The following CDYL variants were observed in gnomAD, a reference collection of about 807,000 sequenced individuals.
CDYL encodes chromodomain Y like.
A neutral mutation model predicts 47.3 loss-of-function variants in CDYL; 8 were observed. The observed-to-expected ratio is 0.17, with a 90% confidence interval of 0.10 to 0.31. The LOEUF (loss-of-function observed/expected upper bound fraction) is 0.31. CDYL is among the 10% of genes least tolerant of loss of function. The pLI is 1.00. For synonymous variants in CDYL, 266 were observed against 265.0 expected (o/e 1.00, Z -0.04); for missense variants, 471 against 701.4 (o/e 0.67, Z 3.71).
At chr6:4,718,886 G>C (rs1165097812) in intron 2 of CDYL, among the ~76,000 whole-genome samples, 1 of 151,078 alleles carries the variant, frequency 6.6e-6, no homozygotes, top group Non-Finnish European at 1.5e-5. Context: ...AGGTTATATT[G>C]ATAGACATTC....
intron 1 of CDYL, among the ~76,000 whole-genome samples, chr6:4,787,376 T>C (rs1467356684): frequency 6.6e-6 from 1 of 152,144 alleles, no homozygotes; most frequent in Non-Finnish European, 1.5e-5. Context: ...TGGTTTCTGC[T>C]CGTAAATGAG....
intron 1 of CDYL, among the ~76,000 whole-genome samples, chr6:4,793,680 C>A (rs2127435803): frequency 6.6e-6 from 1 of 152,228 alleles, no homozygotes; most frequent in South Asian, 2.1e-4. Flanking sequence ...GCAGGATAAT[C>A]CAGGCAAAGG....
intron 2 of CDYL, among the ~76,000 whole-genome samples, chr6:4,717,841 T>G (rs971774819): frequency 1.7e-5 from 2 of 115,976 alleles, no homozygotes; most frequent in African/African-American, 8.0e-5. Flanking sequence ...CCTGTTAGAT[T>G]TTTTTTTTTC....
intron 1 of CDYL, among the ~76,000 whole-genome samples, chr6:4,808,738 T>C (rs1258405167): frequency 6.6e-6 from 1 of 152,256 alleles, no homozygotes; most frequent in Non-Finnish European, 1.5e-5. Context: ...TCCAAGAATA[T>C]AGATTTTGTG....
At chr6:4,787,773 T>TG (rs1246830069) in intron 1 of CDYL, among the ~76,000 whole-genome samples, 1 of 140,012 alleles carries the variant, frequency 7.1e-6, no homozygotes, top group Admixed American at 7.2e-5. Context: ...GTCTTTTTTT[T>TG]TTTTTTTTTT....
At chr6:4,911,101 C>T (rs1280378080) in intron 2 of CDYL, among the ~76,000 whole-genome samples, 1 of 152,216 alleles carries the variant, frequency 6.6e-6, no homozygotes, top group Non-Finnish European at 1.5e-5. Flanking sequence ...GCTGGGATTA[C>T]AGGCGTGAGC....
chr6:4,714,155 C>G (rs1757209203), intron 1 of CDYL: 1 of 151,880 alleles, frequency 6.6e-6, no homozygotes, highest in South Asian at 2.1e-4. Context: ...CAGGATCAAA[C>G]CCACGTGTGT....
intron 3 of CDYL, among the ~76,000 whole-genome samples, chr6:4,738,751 G>C (rs1172899364): frequency 1.3e-5 from 2 of 152,244 alleles, no homozygotes; most frequent in African/African-American, 2.4e-5. Context: ...GTAGAGATTA[G>C]TTGGAACTAG....
chr6:4,751,975 G>A (rs777716778), intron 3 of CDYL, among the ~76,000 whole-genome samples: 11 of 150,968 alleles, frequency 7.3e-5, no homozygotes, highest in East Asian at 2.0e-4. Context: ...GCTGCATGCC[G>A]GCCTGCATTG....
At chr6:4,915,172 G>A (rs189631430) in intron 2 of CDYL, among the ~76,000 whole-genome samples, 3 of 152,332 alleles carry the variant, frequency 2.0e-5, no homozygotes, top group African/African-American at 4.8e-5. Flanking sequence ...TCACCTCCCA[G>A]TGGAAATCCA....
intron 1 of CDYL, among the ~76,000 whole-genome samples, chr6:4,712,267 C>T (rs559872660): frequency 6.6e-6 from 1 of 152,256 alleles, no homozygotes; most frequent in South Asian, 2.1e-4. Flanking sequence ...TAGAATACTG[C>T]ACTCCAGCAA....
At chr6:4,842,343 C>G (rs960323864) in intron 1 of CDYL, among the ~76,000 whole-genome samples, 1 of 150,508 alleles carries the variant, frequency 6.6e-6, no homozygotes, top group Non-Finnish European at 1.5e-5. Flanking sequence ...GATGACCTGT[C>G]TAGTGCTGTC....
At chr6:4,879,831 A>T (rs1761716780) in intron 1 of CDYL, among the ~76,000 whole-genome samples, 2 of 152,144 alleles carry the variant, frequency 1.3e-5, no homozygotes, top group Admixed American at 1.3e-4. Flanking sequence ...AAGTACTGGG[A>T]TTACAGGCAT....
chr6:4,776,012 C>T (rs974974125), upstream of CDYL, among the ~76,000 whole-genome samples: 280 of 149,964 alleles, frequency 1.9e-3, 1 homozygote, highest in African/African-American at 6.2e-3. Context: ...TGCACAACCG[C>T]GCTGCGCCTC....
chr6:4,713,973 T>C (rs1757204525), intron 1 of CDYL: 1 of 152,242 alleles, frequency 6.6e-6, no homozygotes, highest in Non-Finnish European at 1.5e-5. Context: ...TAACTCCTTG[T>C]GGATAATAAT....
chr6:4,716,349 C>T (rs1265698736), intron 2 of CDYL, among the ~76,000 whole-genome samples: 1 of 152,084 alleles, frequency 6.6e-6, no homozygotes, highest in Non-Finnish European at 1.5e-5. Context: ...ACAACGCCTT[C>T]TCTCTCGCAA....
intron 2 of CDYL, among the ~76,000 whole-genome samples, chr6:4,922,744 T>G (rs1023143601): frequency 5.3e-5 from 8 of 152,242 alleles, no homozygotes; most frequent in Non-Finnish European, 5.9e-5. Context: ...CTCAGTGTTC[T>G]GATCTGAACC....
chr6:4,930,288 G>A (rs1300685783), intron 2 of CDYL, among the ~76,000 whole-genome samples: 1 of 152,224 alleles, frequency 6.6e-6, no homozygotes, highest in Non-Finnish European at 1.5e-5. Context: ...GTTCAGCAAA[G>A]ACTCAAAGGG....
At chr6:4,857,629 T>C (rs1761048566) in intron 1 of CDYL, among the ~76,000 whole-genome samples, 1 of 152,176 alleles carries the variant, frequency 6.6e-6, no homozygotes. Flanking sequence ...TTTCTAAAAG[T>C]CTCCTGATAG....
Sources: gnomAD v4.1 joint callset for allele counts (sites outside exome capture counted in the v4.1 genomes callset) on GRCh38, gnomAD v4.1.1 for gene constraint, MANE v1.5 for transcripts, NCBI Gene and HGNC (gene_info 2026-07-23, HGNC 2026-07-21) for gene names.